Variants in UNC45B observed in about 807,000 individuals in gnomAD.
UNC45B encodes the protein protein unc-45 homolog B.
UNC45B carries 78 observed loss-of-function variants against 98.7 expected under a neutral mutation model. The ratio of observed to expected loss-of-function variants is 0.79; its 90% CI spans 0.66 to 0.95. UNC45B has a LOEUF of 0.95. Among genes scored for constraint, UNC45B ranks in the 40% least tolerant of loss-of-function variants. UNC45B has a pLI of 0.00. For missense variants in UNC45B, 1,225 were observed against 1,184.9 expected, an observed-to-expected ratio of 1.03 and a Z score of -0.50; for synonymous variants, 462 against 480.4, an observed-to-expected ratio of 0.96 and a Z score of 0.50.
chr17:35,155,828 C>A (rs1385076668), intron 7 of UNC45B, among the ~76,000 whole-genome samples: 5 of 152,232 alleles, frequency 3.3e-5, no homozygotes, highest in Admixed American at 3.3e-4. Flanking sequence ...CCTTGGCTTC[C>A]CAAAGTGCTA....
Position 35,166,067 on chromosome 17 carries a change from G to A in UNC45B, c.1151+1901G>A, listed in dbSNP as rs1396657768. On this transcript the variant is annotated intron_variant, in intron 9 of 19. Coordinates refer to ENST00000394570, the MANE Select transcript of UNC45B (RefSeq NM_001267052.2). ...GGAGTTTGAGACCAACCCAGGCAATGTAGAGAGACCCTCATCTCTAAAAAA... is the reference window on the plus strand; with the variant it reads ...GGAGTTTGAGACCAACCCAGGCAATATAGAGAGACCCTCATCTCTAAAAAA... Among the ~76,000 whole-genome samples, 3 of 95,524 alleles carry A rather than the reference G, an allele frequency of 3.1e-5. No individual in the cohort carries two copies. The East Asian group carries it at 9.3e-4, about 29-fold the overall frequency. 62.7% of individuals were successfully genotyped at this position (95,524 alleles called of 152,430 possible).
intron 16 of UNC45B, 31 bp from the exon 17 acceptor site, chr17:35,177,464 C>T (rs145208041): frequency 2.0e-6 from 3 of 1,526,608 alleles, no homozygotes; most frequent in Middle Eastern, 1.7e-4. Flanking sequence ...AAAGTCCTCA[C>T]CTGACCAAAC....
At chr17:35,155,571 AT>A (rs1426783684) in intron 7 of UNC45B, 107 bp downstream of exon 7, 16 of 1,216,000 alleles carry the variant, frequency 1.3e-5, no homozygotes, top group Non-Finnish European at 1.9e-5. Flanking sequence ...GGTTTTATGT[AT>A]TTTCTTTTCT....
chr17:35,185,117 G>T (rs757769193), intron 19 of UNC45B, among the ~76,000 whole-genome samples: 1 of 152,076 alleles, frequency 6.6e-6, no homozygotes, highest in Non-Finnish European at 1.5e-5. Flanking sequence ...CTTGGGATAG[G>T]ACATTCAGTG....
chr17:35,168,030 TTC>T (rs1323357116), intron 9 of UNC45B, 29 bp from the exon 10 acceptor site: 3 of 1,428,104 alleles, frequency 2.1e-6, no homozygotes, highest in Non-Finnish European at 2.8e-6. Context: ...CTTGGACCAG[TTC>T]TCTTGACCAC....
chr17:35,181,092 C>T (rs1227389332), intron 18 of UNC45B, among the ~76,000 whole-genome samples: 1 of 152,180 alleles, frequency 6.6e-6, no homozygotes, highest in Non-Finnish European at 1.5e-5. Context: ...AGTTATCAGC[C>T]ATTTTAGGAT....
chr17:35,156,245 A>G (rs752807641), intron 7 of UNC45B, among the ~76,000 whole-genome samples: 3 of 152,220 alleles, frequency 2.0e-5, no homozygotes, highest in Non-Finnish European at 4.4e-5. Flanking sequence ...TCAGTTTTGC[A>G]AGATGAAAAA....
At chr17:35,166,449 A>G (rs1238387579) in intron 9 of UNC45B, among the ~76,000 whole-genome samples, 1 of 151,970 alleles carries the variant, frequency 6.6e-6, no homozygotes, top group Non-Finnish European at 1.5e-5. Context: ...GAGGTCCCCA[A>G]CTGACTCCCA....
chr17:35,160,294 T>C (rs1206405572), intron 8 of UNC45B, among the ~76,000 whole-genome samples: 1 of 152,202 alleles, frequency 6.6e-6, no homozygotes, highest in African/African-American at 2.4e-5. Flanking sequence ...TATTAAACCT[T>C]TGGAGATATT....
intron 9 of UNC45B, among the ~76,000 whole-genome samples, chr17:35,164,816 G>C (rs2092126789): frequency 6.6e-6 from 1 of 151,950 alleles, no homozygotes; most frequent in Admixed American, 6.6e-5. Flanking sequence ...CGAACTTTTG[G>C]GCTCATGTAA....
rs144856270 is a variant in UNC45B, at chr17:35,157,227, T to A, written c.808+1763T>A. ...CTATGCTTGCATTTATAATTTATTT[T>A]TATTTATTTATATTTATTTATTTAT... On this transcript the variant is annotated intron_variant, in intron 7 of 19. Coordinates refer to ENST00000394570, the MANE Select transcript of UNC45B (RefSeq NM_001267052.2). Among the ~76,000 whole-genome samples, 855 of 151,998 alleles carry A rather than the reference T, an allele frequency of 5.6e-3. 8 individuals carry two copies. Among genetic ancestry groups the A allele is most frequent in the African/African-American group, 0.018 (745 of 41,534 alleles).
chr17:35,157,585 A>G (rs1168508054), intron 7 of UNC45B, among the ~76,000 whole-genome samples: 1 of 152,218 alleles, frequency 6.6e-6, no homozygotes. Context: ...TGTTCTTTCT[A>G]TATCTTGCTC....
At chr17:35,156,494 C>T (rs540414946) in intron 7 of UNC45B, among the ~76,000 whole-genome samples, 10 of 152,170 alleles carry the variant, frequency 6.6e-5, no homozygotes, top group East Asian at 5.8e-4. Context: ...GGCATGGTGG[C>T]GCATGCCTGT....
intron 8 of UNC45B, among the ~76,000 whole-genome samples, chr17:35,161,323 T>C (rs1441583036): frequency 6.6e-6 from 1 of 152,208 alleles, no homozygotes; most frequent in Non-Finnish European, 1.5e-5. Context: ...TTGTGCAAAC[T>C]GGGCTGGGAG....
At chr17:35,148,228 G>C (rs1331445658) in intron 1 of UNC45B, 36 bp from the exon 2 acceptor site, 1 of 1,611,722 alleles carries the variant, frequency 6.2e-7, no homozygotes, top group Admixed American at 1.7e-5. Flanking sequence ...TCTGCAGTGA[G>C]GGGCTGACCA....
chr17:35,167,989 C>T lies in UNC45B; in HGVS notation c.1152-72C>T. ...AGCCAGGATGCAAATCCAAATCCTACTGCCTCCAAATCTCACACTCTTTCC... is the reference window on the plus strand; with the variant it reads ...AGCCAGGATGCAAATCCAAATCCTATTGCCTCCAAATCTCACACTCTTTCC... On this transcript the variant is annotated intron_variant, in intron 9 of 19. Coordinates refer to ENST00000394570, the MANE Select transcript of UNC45B (RefSeq NM_001267052.2). 2.9e-6 allele frequency: 4 copies of T among 1,356,892 alleles called. No individual in the cohort carries two copies. In the Admixed American group the frequency reaches 1.1e-4, roughly 38 times the overall value. 84.1% of individuals were successfully genotyped at this position (1,356,892 alleles called of 1,614,324 possible). A position where few individuals can be genotyped will look rare whatever the true frequency, so the allele number is the denominator to read the frequency against.
At chr17:35,159,966 TC>T (rs1488905544) in intron 8 of UNC45B, among the ~76,000 whole-genome samples, 3 of 152,206 alleles carry the variant, frequency 2.0e-5, no homozygotes, top group Non-Finnish European at 4.4e-5. Context: ...CAGGTCTCAA[TC>T]AATTTAGAAG....
chr17:35,153,010 A>G (rs1322304608), intron 5 of UNC45B, 28 bp downstream of exon 5: 1 of 1,549,802 alleles, frequency 6.5e-7, no homozygotes, highest in Admixed American at 1.7e-5. Flanking sequence ...CCATCCAGCC[A>G]GCAGAAGGAC....
At chr17:35,151,445 C>T (rs2092019040) in intron 4 of UNC45B, among the ~76,000 whole-genome samples, 1 of 152,186 alleles carries the variant, frequency 6.6e-6, no homozygotes, top group African/African-American at 2.4e-5. Context: ...CCACCTCAGC[C>T]TCCCAAAGTG....
Sources: allele counts gnomAD v4.1 joint callset (sites outside exome capture counted in the v4.1 genomes callset), GRCh38; gene constraint gnomAD v4.1.1; transcripts MANE v1.5; gene names NCBI Gene and HGNC (gene_info 2026-07-23, HGNC 2026-07-21).